The following GLRB variants were observed in gnomAD, a reference collection of about 807,000 sequenced individuals.
The protein encoded by GLRB is glycine receptor subunit beta.
A neutral mutation model predicts 54.2 loss-of-function variants in GLRB; 33 were observed. The observed-to-expected ratio is 0.61, with a 90% CI of 0.46 to 0.81. GLRB has a LOEUF of 0.81. Ranked by LOEUF, GLRB falls within the 40% of genes least tolerant of loss-of-function variation. The probability of loss-of-function intolerance (pLI) is 0.00; values close to 1 mark genes in which losing one functional copy is unlikely to be tolerated. For synonymous variants in GLRB, 209 were observed against 208.2 expected, an observed-to-expected ratio of 1.00 and a Z score of -0.03; for missense variants, 572 against 584.6, an observed-to-expected ratio of 0.98 and a Z score of 0.22.
At chr4:157,093,634 A>C (rs528773132) in intron 2 of GLRB, among the ~76,000 whole-genome samples, 1 of 151,902 alleles carries the variant, frequency 6.6e-6, no homozygotes, top group South Asian at 2.1e-4. Context: ...ACATGCCTTT[A>C]GTCCCAGCTA....
chr4:157,112,364 T>G (rs1362312350), intron 2 of GLRB, among the ~76,000 whole-genome samples: 1 of 151,882 alleles, frequency 6.6e-6, no homozygotes, highest in African/African-American at 2.4e-5. Flanking sequence ...CTCAAGTGCA[T>G]AACCTGTACA....
chr4:157,128,256 C>A (rs972830293), intron 4 of GLRB, among the ~76,000 whole-genome samples: 1 of 151,396 alleles, frequency 6.6e-6, no homozygotes, highest in Non-Finnish European at 1.5e-5. Context: ...TTTTAGTGTA[C>A]GTACATGAAA....
At chr4:157,083,231 ATAT>A (rs1347935085) in intron 2 of GLRB, among the ~76,000 whole-genome samples, 4 of 152,082 alleles carry the variant, frequency 2.6e-5, no homozygotes, top group African/African-American at 9.7e-5. Flanking sequence ...AAATCATATC[ATAT>A]TAGGAAGAGC....
intron 2 of GLRB, among the ~76,000 whole-genome samples, chr4:157,109,153 T>A (rs896503141): frequency 4.6e-5 from 7 of 152,130 alleles, no homozygotes; most frequent in Middle Eastern, 3.4e-3. Context: ...CACTTTATTG[T>A]GGTGGTTTGG....
chr4:157,077,949 T>C, intron 1 of GLRB, 47 bp from the exon 2 acceptor site: 1 of 1,277,648 alleles, frequency 7.8e-7, no homozygotes, highest in Non-Finnish European at 1.1e-6. Flanking sequence ...GTCATATAGT[T>C]ATCATTTTCT....
Position 157,098,983 on chromosome 4 carries a change from A to G in GLRB, c.122+20837A>G, listed in dbSNP as rs566629811. On this transcript the variant is annotated intron_variant, in intron 2 of 9. Transcript: ENST00000264428. ...CTCAGGGGCAGGAGAAAATTGAGGG[A>G]CATGTAGGGAAGGGAGAAACCTAAC... Among the ~76,000 whole-genome samples the G allele has an allele frequency of 5.3e-5, 8 of 152,216 alleles. No individual in the cohort carries two copies. The South Asian group carries it at 1.7e-3, about 32-fold the overall frequency.
intron 8 of GLRB, among the ~76,000 whole-genome samples, chr4:157,147,981 G>T (rs905656558): frequency 1.3e-5 from 2 of 152,212 alleles, no homozygotes; most frequent in African/African-American, 4.8e-5. Context: ...AGATGGGTCA[G>T]ATTGGCCTAC....
chr4:157,086,528 C>T lies in GLRB; in HGVS notation c.122+8382C>T, dbSNP rs56091114. Among the ~76,000 whole-genome samples, 929 of 152,218 alleles carry T rather than the reference C, an allele frequency of 6.1e-3. 7 individuals are homozygous for T. Among genetic ancestry groups the T allele is most frequent in the African/African-American group, 0.021 (859 of 41,540 alleles). Reference sequence around the variant, plus strand: ...TGGAGAATCTTGATCGGTATTTACACGAATGTGAAAGTCTGTTGTGTTGTT... The same window carrying T: ...TGGAGAATCTTGATCGGTATTTACATGAATGTGAAAGTCTGTTGTGTTGTT... On this transcript the variant is annotated intron_variant, in intron 2 of 9. Transcript: ENST00000264428.
intron 2 of GLRB, among the ~76,000 whole-genome samples, chr4:157,112,733 C>T (rs571444021): frequency 6.6e-6 from 1 of 152,010 alleles, no homozygotes; most frequent in Admixed American, 6.6e-5. Flanking sequence ...CAGCCACCTT[C>T]ATATACCCCT....
Position 157,143,868 on chromosome 4 carries a change from G to A in GLRB, c.813G>A (p.Met271Ile), listed in dbSNP as rs370576868. 6.2e-7 allele frequency: 1 copy of A among 1,613,510 alleles called. No individual in the cohort carries two copies. Residue 271 changes from methionine (M) to isoleucine (I), a missense_variant, in exon 8 of 10, where the codon ATG (methionine) becomes ATA (isoleucine). Physicochemically the swap from Met to Ile is conservative, Grantham distance 10. Coordinates refer to ENST00000264428, the MANE Select transcript of GLRB (RefSeq NM_000824.5). Reference protein sequence around the residue: ...TLRRQVGFYMMGVYAPTLLIV... With the variant: ...TLRRQVGFYMIGVYAPTLLIV... ...GGAGGCAGGTCGGCTTTTACATGAT[G>A]GGGGTCTACGCCCCAACTCTGCTCA... is the stretch of plus-strand genomic sequence containing the variant.
At chr4:157,085,730 C>A (rs565113162) in intron 2 of GLRB, among the ~76,000 whole-genome samples, 1 of 151,946 alleles carries the variant, frequency 6.6e-6, no homozygotes, top group African/African-American at 2.4e-5. Flanking sequence ...ATCTCCTGAC[C>A]TCGTGATCCA....
At chr4:157,143,330 T>C (rs774776862) in intron 7 of GLRB, among the ~76,000 whole-genome samples, 4 of 152,054 alleles carry the variant, frequency 2.6e-5, no homozygotes, top group Non-Finnish European at 5.9e-5. Flanking sequence ...AGAGTCAGTG[T>C]ATACTGCCAT....
intron 8 of GLRB, among the ~76,000 whole-genome samples, chr4:157,148,802 G>T (rs1206066790): frequency 6.6e-6 from 1 of 151,232 alleles, no homozygotes; most frequent in Non-Finnish European, 1.5e-5. Context: ...CGTGCAGTGT[G>T]TATTAGTCAT....
chr4:157,112,166 C>T (rs1735443256), intron 2 of GLRB, among the ~76,000 whole-genome samples: 1 of 151,756 alleles, frequency 6.6e-6, no homozygotes, highest in Non-Finnish European at 1.5e-5. Flanking sequence ...AACCCTGATG[C>T]CCGGGCCACA....
At chr4:157,138,114 C>A (rs912007259) in intron 6 of GLRB, among the ~76,000 whole-genome samples, 3 of 152,156 alleles carry the variant, frequency 2.0e-5, no homozygotes, top group African/African-American at 7.2e-5. Context: ...CTCTGTCACC[C>A]AGGCTAGACT....
intron 4 of GLRB, among the ~76,000 whole-genome samples, chr4:157,124,917 T>G (rs1280648992): frequency 1.3e-5 from 2 of 151,890 alleles, no homozygotes; most frequent in African/African-American, 4.8e-5. Context: ...TATACCTTTA[T>G]AAAGTAGAAT....
chr4:157,154,587 C>A (rs1255459635), intron 9 of GLRB, among the ~76,000 whole-genome samples: 5 of 151,952 alleles, frequency 3.3e-5, no homozygotes, highest in Non-Finnish European at 7.4e-5. Context: ...GCCACCATGT[C>A]TGGCTAATTT....
At chr4:157,122,022 C>A (rs1735841192) in intron 3 of GLRB, among the ~76,000 whole-genome samples, 2 of 146,916 alleles carry the variant, frequency 1.4e-5, no homozygotes, top group South Asian at 2.2e-4. Flanking sequence ...TGTATTAGGG[C>A]AATTTAAAAA....
intron 4 of GLRB, among the ~76,000 whole-genome samples, chr4:157,130,042 C>T (rs1736156370): frequency 6.6e-6 from 1 of 151,550 alleles, no homozygotes; most frequent in Admixed American, 6.6e-5. Flanking sequence ...AGTTTTTTAG[C>T]ACCTAATATC....
Sources: gnomAD v4.1 joint callset for allele counts (sites outside exome capture counted in the v4.1 genomes callset) on GRCh38, gnomAD v4.1.1 for gene constraint, MANE v1.5 for transcripts, NCBI Gene and HGNC (gene_info 2026-07-23, HGNC 2026-07-21) for gene names.